The following RARB variants were observed in gnomAD, a reference collection of about 807,000 sequenced individuals.
RARB encodes HBV-activated protein.
In RARB, 17 loss-of-function variants were observed where a neutral mutation model predicts 51.9. The ratio of observed to expected loss-of-function variants is 0.33; its 90% confidence interval spans 0.22 to 0.49. RARB has a LOEUF of 0.49. RARB is among the 20% of genes least tolerant of loss of function. RARB has a pLI of 0.99. For missense variants in RARB, 369 were observed against 550.8 expected (o/e 0.67, Z 3.30); for synonymous variants, 215 against 195.4 (o/e 1.10, Z -0.84).
At chr3:25,128,432 A>G (rs1488098110) in intron 3 of RARB, among the ~76,000 whole-genome samples, 1 of 147,078 alleles carries the variant, frequency 6.8e-6, no homozygotes, top group African/African-American at 2.5e-5. Flanking sequence ...TATTTTATAA[A>G]TTATTCATAT....
At chr3:25,524,901 T>G (rs1322709148) in intron 3 of RARB, among the ~76,000 whole-genome samples, 1 of 151,876 alleles carries the variant, frequency 6.6e-6, no homozygotes, top group Non-Finnish European at 1.5e-5. Context: ...AGCTAATTTT[T>G]GTATATTTAT....
upstream of RARB, among the ~76,000 whole-genome samples, chr3:25,426,453 G>A (rs1046411095): frequency 6.6e-6 from 1 of 152,350 alleles, no homozygotes; most frequent in South Asian, 2.1e-4. Flanking sequence ...TGTGTGCGAT[G>A]CATACTTTTC....
At chr3:25,417,580 G>A (rs1707741037) in intron 5 of RARB, among the ~76,000 whole-genome samples, 1 of 152,156 alleles carries the variant, frequency 6.6e-6, no homozygotes. Context: ...TGTGAGATGT[G>A]CCTTTCACCT....
intron 2 of RARB, among the ~76,000 whole-genome samples, chr3:24,952,366 G>T (rs1695913341): frequency 6.6e-6 from 1 of 151,958 alleles, no homozygotes; most frequent in Non-Finnish European, 1.5e-5. Context: ...CCCACCCAAT[G>T]AAATACACAT....
At chr3:25,168,895 T>C (rs969556880) in intron 4 of RARB, among the ~76,000 whole-genome samples, 1 of 152,118 alleles carries the variant, frequency 6.6e-6, no homozygotes, top group African/African-American at 2.4e-5. Context: ...ACTAAGTGCA[T>C]AACACAATGA....
intron 5 of RARB, among the ~76,000 whole-genome samples, chr3:25,221,025 C>CAA (rs71295097): frequency 6.6e-6 from 1 of 151,856 alleles, no homozygotes; most frequent in Admixed American, 6.6e-5. Context: ...TACACACACA[C>CAA]ACACACTCAA....
At chr3:25,494,524 G>A (rs537022265) in intron 2 of RARB, among the ~76,000 whole-genome samples, 12 of 152,250 alleles carry the variant, frequency 7.9e-5, no homozygotes, top group African/African-American at 2.9e-4. Flanking sequence ...GCACTACAGT[G>A]GATACTTTTT....
At chr3:24,887,646 C>T (rs1407004802) in intron 2 of RARB, among the ~76,000 whole-genome samples, 1 of 152,198 alleles carries the variant, frequency 6.6e-6, no homozygotes, top group Non-Finnish European at 1.5e-5. Flanking sequence ...TAACAACTCT[C>T]ACAGCTCCTC....
chr3:25,494,368 C>A (rs552069252), intron 2 of RARB, among the ~76,000 whole-genome samples: 35 of 151,976 alleles, frequency 2.3e-4, no homozygotes, highest in African/African-American at 8.0e-4. Flanking sequence ...CCATAATATT[C>A]TTGGGGGAAA....
chr3:24,927,473 T>G (rs939135372), intron 2 of RARB, among the ~76,000 whole-genome samples: 2 of 152,090 alleles, frequency 1.3e-5, no homozygotes, highest in African/African-American at 4.8e-5. Flanking sequence ...TTCTCTTTGG[T>G]TAGGGATGTA....
intron 2 of RARB, among the ~76,000 whole-genome samples, chr3:24,924,307 G>A (rs1037700422): frequency 8.5e-5 from 13 of 152,082 alleles, no homozygotes; most frequent in African/African-American, 3.1e-4. Flanking sequence ...CTGAAGAATT[G>A]TGATTGGAAA....
At chr3:25,041,518 T>G (rs538230867) in intron 2 of RARB, among the ~76,000 whole-genome samples, 1 of 151,336 alleles carries the variant, frequency 6.6e-6, no homozygotes, top group African/African-American at 2.4e-5. Context: ...GGAACATAGT[T>G]GAGAGGGAGG....
chr3:25,127,118 C>T (rs1245591639), intron 3 of RARB, among the ~76,000 whole-genome samples: 2 of 152,140 alleles, frequency 1.3e-5, no homozygotes, highest in African/African-American at 2.4e-5. Context: ...TATTGCCCTA[C>T]AGGAACCAGG....
At chr3:25,359,148 C>G (rs1176918968) in intron 5 of RARB, among the ~76,000 whole-genome samples, 2 of 152,072 alleles carry the variant, frequency 1.3e-5, no homozygotes, top group African/African-American at 4.8e-5. Context: ...GTTACTGCCT[C>G]AATTTCAGAA....
intron 5 of RARB, chr3:25,259,949 G>C: frequency 3.0e-6 from 3 of 985,290 alleles, no homozygotes; most frequent in Non-Finnish European, 3.6e-6. Flanking sequence ...TGGAGGGGAG[G>C]GGGGCAGTCA....
Position 24,933,176 on chromosome 3 carries a change from A to T in RARB, c.-380+74424A>T, listed in dbSNP as rs539108703. Among the ~76,000 whole-genome samples the T allele has an allele frequency of 9.2e-5, 14 of 152,202 alleles. No homozygotes were observed. In the East Asian group the frequency reaches 2.7e-3, roughly 29 times the overall value. On this transcript the variant is annotated intron_variant, in intron 2 of 11. Coordinates refer to the RARB transcript ENST00000383772. ...TTAAAAAAACAATAAAAATATGCAA[A>T]TCCTATAAAAACATTCTTTCAAATA... is the stretch of plus-strand genomic sequence containing the variant.
At chr3:25,001,317 G>A (rs1272631402) in intron 2 of RARB, among the ~76,000 whole-genome samples, 1 of 152,122 alleles carries the variant, frequency 6.6e-6, no homozygotes, top group Non-Finnish European at 1.5e-5. Flanking sequence ...TTTCAACAGT[G>A]GCTCTGCTTC....
At chr3:25,503,683 G>T (rs373275655) in intron 3 of RARB, among the ~76,000 whole-genome samples, 1 of 152,136 alleles carries the variant, frequency 6.6e-6, no homozygotes. Flanking sequence ...TGAAGGGAAA[G>T]AAATAAACAC....
chr3:25,554,726 A>G (rs1327188558), intron 3 of RARB, among the ~76,000 whole-genome samples: 1 of 152,134 alleles, frequency 6.6e-6, no homozygotes, highest in Non-Finnish European at 1.5e-5. Flanking sequence ...GAAACTGGAT[A>G]ATTCATAAAG....
Sources: gnomAD v4.1 joint callset for allele counts (sites outside exome capture counted in the v4.1 genomes callset) on GRCh38, gnomAD v4.1.1 for gene constraint, MANE v1.5 for transcripts, NCBI Gene and HGNC (gene_info 2026-07-23, HGNC 2026-07-21) for gene names.